STXBP5L: variants seen among roughly 807,000 people sequenced by gnomAD.
The protein encoded by STXBP5L is syntaxin-binding protein 5-like.
A neutral mutation model predicts 144.5 loss-of-function variants in STXBP5L; 65 were observed. That is an observed-to-expected ratio of 0.45 (90% CI 0.37 to 0.55). The LOEUF is 0.55. Ranked by LOEUF, STXBP5L falls within the 20% of genes least tolerant of loss-of-function variation. The pLI, the probability that STXBP5L is intolerant of heterozygous loss-of-function variation, is 0.00. For synonymous variants in STXBP5L, 505 were observed against 469.6 expected (o/e 1.08, Z -0.97); for missense variants, 1,298 against 1,405.5 (o/e 0.92, Z 1.22).
At chr3:121,064,214 G>C (rs2041430536) in intron 5 of STXBP5L, among the ~76,000 whole-genome samples, 1 of 152,136 alleles carries the variant, frequency 6.6e-6, no homozygotes, top group Non-Finnish European at 1.5e-5. Flanking sequence ...AGCTTCCCTT[G>C]GCTAAGGTAG....
rs1487052076 is a variant in STXBP5L, at chr3:121,182,718, T to A, written c.878-23205T>A. Among the ~76,000 whole-genome samples the A allele has an allele frequency of 2.0e-5, 3 of 152,128 alleles. No homozygotes were observed. In the East Asian group the frequency reaches 5.8e-4, roughly 29 times the overall value. ...ATAAATGAAACAAAAAGCTGGTTCTTTGAAAAGATACACAAAATTGATAGA... is the reference window on the plus strand; with the variant it reads ...ATAAATGAAACAAAAAGCTGGTTCTATGAAAAGATACACAAAATTGATAGA... On this transcript the variant is annotated intron_variant, in intron 9 of 26. Transcript: ENST00000471454.
At chr3:120,978,520 C>T (rs534271316) in intron 3 of STXBP5L, among the ~76,000 whole-genome samples, 9 of 152,216 alleles carry the variant, frequency 5.9e-5, no homozygotes, top group African/African-American at 1.7e-4. Flanking sequence ...GTAGTTTGAT[C>T]GTCTGAAGCC....
intron 20 of STXBP5L, among the ~76,000 whole-genome samples, chr3:121,326,874 CA>C (rs1288502319): frequency 6.6e-6 from 1 of 152,068 alleles, no homozygotes; most frequent in Non-Finnish European, 1.5e-5. Context: ...TTAGCCATAA[CA>C]AAGTAGAAAT....
Position 121,250,250 on chromosome 3 carries a change from G to A in STXBP5L, c.1401-473G>A, listed in dbSNP as rs140395367. Among the ~76,000 whole-genome samples, 47 of 151,962 alleles carry A rather than the reference G, an allele frequency of 3.1e-4. 1 individual carries two copies. The East Asian group carries it at 8.3e-3, about 27-fold the overall frequency. ...TTATCTTCTTCTATTTTCTCGATGA[G>A]TTTTTATAGAATTGACATTTGATTA... On this transcript the variant is annotated intron_variant, in intron 14 of 26. Coordinates refer to ENST00000471454, the MANE Select transcript of STXBP5L (RefSeq NM_001308330.2).
intron 20 of STXBP5L, among the ~76,000 whole-genome samples, chr3:121,355,274 CAG>C (rs1490718056): frequency 6.6e-6 from 1 of 152,154 alleles, no homozygotes; most frequent in Admixed American, 6.5e-5. Flanking sequence ...TAATATCCTG[CAG>C]AGTGTTTTCC....
intron 3 of STXBP5L, among the ~76,000 whole-genome samples, chr3:120,995,747 A>G (rs1184674600): frequency 6.6e-6 from 1 of 152,156 alleles, no homozygotes. Context: ...GCCATATCAG[A>G]TAATGTTATA....
At position 121,191,699 on chromosome 3, in the gene STXBP5L, G is replaced by T. The variant is rs182316523; in HGVS notation, c.878-14224G>T. 3.3e-5 allele frequency among the ~76,000 whole-genome samples: 5 copies of T among 152,204 alleles called. No homozygotes were observed. In the East Asian group the frequency reaches 9.6e-4, roughly 29 times the overall value. On this transcript the variant is annotated intron_variant, in intron 9 of 26. Transcript: ENST00000471454. The stretch of plus-strand genomic sequence containing the variant: ...TTCCATTTGAAGAATTCTCCAACCC[G>T]AATGTCCATCAGTGATAGACTGGAT...
At chr3:120,996,279 A>G (rs1245334144) in intron 3 of STXBP5L, among the ~76,000 whole-genome samples, 1 of 151,928 alleles carries the variant, frequency 6.6e-6, no homozygotes, top group Non-Finnish European at 1.5e-5. Flanking sequence ...TTGAATCTAT[A>G]AGTTTACATT....
chr3:121,344,113 A>G lies in STXBP5L; in HGVS notation c.2176+25573A>G, dbSNP rs533943077. On this transcript the variant is annotated intron_variant, in intron 20 of 26. Transcript: ENST00000471454. ...AACGCCACATATCTACAACTATCTG[A>G]TCTTTGACAAACCTGAGAAAAACAA... 5.4e-4 allele frequency among the ~76,000 whole-genome samples: 82 copies of G among 152,074 alleles called. 1 individual carries two copies. The highest frequency in any genetic ancestry group is 2.0e-3 in the African/African-American group (81 of 41,478).
At chr3:121,116,542 G>T (rs2044237940) in intron 6 of STXBP5L, among the ~76,000 whole-genome samples, 1 of 151,982 alleles carries the variant, frequency 6.6e-6, no homozygotes, top group African/African-American at 2.4e-5. Context: ...GCTTTCCAAA[G>T]TAAATACTAA....
At chr3:121,079,783 A>G (rs573418148) in intron 5 of STXBP5L, among the ~76,000 whole-genome samples, 4 of 152,266 alleles carry the variant, frequency 2.6e-5, no homozygotes, top group South Asian at 2.1e-4. Context: ...CGCTGATGAG[A>G]AGAATGTATT....
chr3:121,048,339 G>T (rs572657089), intron 5 of STXBP5L, among the ~76,000 whole-genome samples: 5 of 152,180 alleles, frequency 3.3e-5, no homozygotes, highest in African/African-American at 1.2e-4. Flanking sequence ...TGGTCTTTTT[G>T]TGTAGTATCT....
chr3:120,973,267 T>A (rs1041200260), intron 3 of STXBP5L, among the ~76,000 whole-genome samples: 1 of 152,144 alleles, frequency 6.6e-6, no homozygotes, highest in Non-Finnish European at 1.5e-5. Flanking sequence ...TGGTATTTTC[T>A]TGATTTCTAT....
At chr3:121,182,604 A>C (rs1369483368) in intron 9 of STXBP5L, among the ~76,000 whole-genome samples, 2 of 152,208 alleles carry the variant, frequency 1.3e-5, no homozygotes, top group Non-Finnish European at 2.9e-5. Flanking sequence ...GAGAAACAAG[A>C]ACAAACTAAA....
chr3:120,913,996 C>A lies in STXBP5L; in HGVS notation c.189+4229C>A, dbSNP rs547019501. Among the ~76,000 whole-genome samples the A allele has an allele frequency of 5.3e-5, 8 of 151,936 alleles. No individual in the cohort carries two copies. In the South Asian group the frequency reaches 1.2e-3, roughly 24 times the overall value. On this transcript the variant is annotated intron_variant, in intron 2 of 26. Coordinates refer to ENST00000471454, the MANE Select transcript of STXBP5L (RefSeq NM_001308330.2). The stretch of plus-strand genomic sequence containing the variant: ...AACTTTTATATAAAGAGGTGGAGAG[C>A]ATCTAGTGAAAGAGTTGATACCACT...
intron 3 of STXBP5L, among the ~76,000 whole-genome samples, chr3:120,980,113 A>T (rs903661200): frequency 2.0e-5 from 3 of 152,110 alleles, no homozygotes; most frequent in Non-Finnish European, 2.9e-5. Flanking sequence ...TAAAAGTTTT[A>T]TTGACACTTG....
intron 5 of STXBP5L, among the ~76,000 whole-genome samples, chr3:121,094,716 C>G (rs894339922): frequency 1.3e-5 from 2 of 152,174 alleles, no homozygotes; most frequent in African/African-American, 4.8e-5. Context: ...TGGGTCTTGA[C>G]TCCTTATCCA....
At chr3:121,223,234 A>G in intron 11 of STXBP5L, 77 bp downstream of exon 11, 1 of 1,409,794 alleles carries the variant, frequency 7.1e-7, no homozygotes, top group South Asian at 1.4e-5. Context: ...TTAAGGTTAA[A>G]TATTTTCAGA....
chr3:121,292,658 G>C (rs552456292), intron 19 of STXBP5L, among the ~76,000 whole-genome samples: 1 of 152,086 alleles, frequency 6.6e-6, no homozygotes, highest in Non-Finnish European at 1.5e-5. Context: ...ATCAATCAAC[G>C]AGTGGATAAA....
Sources: allele counts gnomAD v4.1 joint callset (sites outside exome capture counted in the v4.1 genomes callset), GRCh38; gene constraint gnomAD v4.1.1; transcripts MANE v1.5; gene names NCBI Gene and HGNC (gene_info 2026-07-23, HGNC 2026-07-21).